The following TXNRD1 variants were observed in gnomAD, a reference collection of about 807,000 sequenced individuals.
The protein encoded by TXNRD1 is thioredoxin reductase 1, cytoplasmic.
In TXNRD1, 57 loss-of-function variants were observed where a neutral mutation model predicts 80.3. The observed-to-expected ratio is 0.71, with a 90% CI of 0.57 to 0.89. The LOEUF (loss-of-function observed/expected upper bound fraction) is 0.89, where lower values mean the gene tolerates loss of function less well. Among genes scored for constraint, TXNRD1 ranks in the 40% least tolerant of loss-of-function variants. The pLI is 0.00. For missense variants in TXNRD1, 730 were observed against 803.0 expected, an observed-to-expected ratio of 0.91 and a Z score of 1.10; for synonymous variants, 291 against 285.2, an observed-to-expected ratio of 1.02 and a Z score of -0.20.
chr12:104,300,201 G>A (rs939184040), intron 4 of TXNRD1, among the ~76,000 whole-genome samples: 3 of 152,152 alleles, frequency 2.0e-5, no homozygotes, highest in Non-Finnish European at 4.4e-5. Context: ...AGAATGCTTG[G>A]AATTAACCTA....
intron 1 of TXNRD1, among the ~76,000 whole-genome samples, chr12:104,240,518 A>G (rs2032835020): frequency 6.6e-6 from 1 of 152,236 alleles, no homozygotes; most frequent in African/African-American, 2.4e-5. Context: ...TGTATAAAGC[A>G]TATTTAGTGA....
chr12:104,342,104 G>T (rs1426294896), intron 16 of TXNRD1, among the ~76,000 whole-genome samples: 1 of 152,050 alleles, frequency 6.6e-6, no homozygotes, highest in African/African-American at 2.4e-5. Context: ...TTATTTAGGG[G>T]TGTTTATAGA....
Position 104,315,834 on chromosome 12 carries a change from C to T in TXNRD1, c.668C>T (p.Ala223Val), listed in dbSNP as rs1446669007. 6.2e-7 allele frequency: 1 copy of T among 1,612,584 alleles called. No homozygotes were observed. The highest frequency in any genetic ancestry group is 8.5e-7 in the Non-Finnish European group (1 of 1,179,002). Residue 223 changes from alanine (A) to valine (V), a missense_variant, in exon 7 of 17, where the codon GCA becomes GTA. By Grantham distance (64) the Ala-to-Val change is moderately conservative. Coordinates refer to ENST00000525566, the MANE Select transcript of TXNRD1 (RefSeq NM_001093771.3). Reference sequence around the variant, plus strand: ...ATACCTAAAAAACTGATGCATCAAGCAGCTTTGTTAGGACAAGCCCTGCAA... The same window carrying T: ...ATACCTAAAAAACTGATGCATCAAGTAGCTTTGTTAGGACAAGCCCTGCAA... ...GCIPKKLMHQ[A>V]ALLGQALQDS...
chr12:104,327,942 C>T, intron 13 of TXNRD1, among the ~76,000 whole-genome samples: 1 of 151,780 alleles, frequency 6.6e-6, no homozygotes, highest in East Asian at 1.9e-4. Flanking sequence ...AGGCAGATCA[C>T]CAGGTCAGGA....
chr12:104,274,568 G>A (rs1359353934), intron 3 of TXNRD1, among the ~76,000 whole-genome samples: 7 of 151,724 alleles, frequency 4.6e-5, no homozygotes, highest in East Asian at 1.9e-4. Context: ...GCGTGGCAGC[G>A]TGCACCTGTA....
chr12:104,271,411 T>C (rs1325217897), intron 3 of TXNRD1, among the ~76,000 whole-genome samples: 1 of 152,062 alleles, frequency 6.6e-6, no homozygotes, highest in Non-Finnish European at 1.5e-5. Context: ...TCTCCTGACC[T>C]CGTGATCTGC....
chr12:104,244,962 G>A (rs12299988), intron 1 of TXNRD1, among the ~76,000 whole-genome samples: 7,453 of 152,222 alleles, frequency 0.049, 486 homozygotes, highest in African/African-American at 0.15. Flanking sequence ...CAGGAGGTCC[G>A]GAATGGTGAG....
chr12:104,309,803 G>A, intron 4 of TXNRD1: 4 of 1,533,740 alleles, frequency 2.6e-6, no homozygotes, highest in Non-Finnish European at 3.5e-6. Context: ...GCCAGTTGAT[G>A]ACTACTGGCT....
intron 1 of TXNRD1, among the ~76,000 whole-genome samples, chr12:104,250,772 A>G (rs2033101278): frequency 6.6e-6 from 1 of 152,202 alleles, no homozygotes; most frequent in Non-Finnish European, 1.5e-5. Flanking sequence ...CACCTAAGGA[A>G]CAAGTAGTAA....
At chr12:104,318,844 GTTA>G in intron 7 of TXNRD1, 66 bp from the exon 8 acceptor site, 2 of 1,543,738 alleles carry the variant, frequency 1.3e-6, no homozygotes, top group South Asian at 2.4e-5. Context: ...CACTTGAGTG[GTTA>G]TTGAGAAATG....
chr12:104,286,042 G>T (rs1000665425), intron 3 of TXNRD1: 1 of 152,266 alleles, frequency 6.6e-6, no homozygotes, highest in African/African-American at 2.4e-5. Context: ...CCTTGGAAGG[G>T]CCTGGCAGGA....
intron 1 of TXNRD1, among the ~76,000 whole-genome samples, chr12:104,225,472 T>C (rs2032451816): frequency 6.6e-6 from 1 of 152,208 alleles, no homozygotes; most frequent in Non-Finnish European, 1.5e-5. Context: ...TGAATTGTAA[T>C]GATCCGCATG....
chr12:104,243,420 C>A (rs545778748), intron 1 of TXNRD1, among the ~76,000 whole-genome samples: 1 of 152,230 alleles, frequency 6.6e-6, no homozygotes, highest in South Asian at 2.1e-4. Flanking sequence ...TTTAAGCTTC[C>A]CCACTCTTGG....
In TXNRD1 at chr12:104,333,449, G is replaced by A. The variant is rs1593864469; in HGVS notation, c.1651-788G>A. Among the ~76,000 whole-genome samples, 4 of 151,120 alleles carry A rather than the reference G, an allele frequency of 2.6e-5. 1 individual carries two copies. The highest frequency in any genetic ancestry group is 2.6e-4 in the Admixed American group (4 of 15,200). On this transcript the variant is annotated intron_variant, in intron 14 of 16. Transcript: ENST00000525566. ...CTGTAACAGCAATTGTTAGCAATTT[G>A]GGGTGATTCCTTTAATTTTTTTCCT...
chr12:104,236,957 GC>G (rs1454225980), intron 1 of TXNRD1, among the ~76,000 whole-genome samples: 14 of 151,760 alleles, frequency 9.2e-5, no homozygotes, highest in African/African-American at 3.4e-4. Flanking sequence ...CTTAATGCAT[GC>G]ATGAGAGGCC....
At chr12:104,274,721 A>T (rs573770411) in intron 3 of TXNRD1, among the ~76,000 whole-genome samples, 20 of 140,234 alleles carry the variant, frequency 1.4e-4, no homozygotes, top group Admixed American at 3.5e-4. Context: ...TTAATAATAA[A>T]AAAAATAATA....
At chr12:104,266,524 C>CAAAAAAA (rs60829935) in intron 3 of TXNRD1, among the ~76,000 whole-genome samples, 1 of 111,496 alleles carries the variant, frequency 9.0e-6, no homozygotes, top group Non-Finnish European at 1.7e-5. Context: ...GAATTCATCT[C>CAAAAAAA]AAAAAAAAAA....
intron 4 of TXNRD1, among the ~76,000 whole-genome samples, chr12:104,306,616 G>T (rs1056342464): frequency 6.6e-6 from 1 of 152,126 alleles, no homozygotes; most frequent in African/African-American, 2.4e-5. Flanking sequence ...ATGGAGATGA[G>T]GTTCTTCACC....
intron 16 of TXNRD1, among the ~76,000 whole-genome samples, chr12:104,341,341 C>T (rs1273966676): frequency 1.3e-5 from 2 of 152,152 alleles, no homozygotes; most frequent in African/African-American, 2.4e-5. Context: ...TGGGTGAAAT[C>T]GCACTCTGTG....
Sources: allele counts gnomAD v4.1 joint callset (sites outside exome capture counted in the v4.1 genomes callset), GRCh38; gene constraint gnomAD v4.1.1; transcripts MANE v1.5; gene names NCBI Gene and HGNC (gene_info 2026-07-23, HGNC 2026-07-21).